The following FMO2 variants were observed in gnomAD, a reference collection of about 807,000 sequenced individuals.
FMO2 encodes the protein flavin containing dimethylaniline monoxygenase 2, also known as flavin-containing monooxygenase 2.
A neutral mutation model predicts 41.6 loss-of-function variants in FMO2; 33 were observed. The ratio of observed to expected loss-of-function variants is 0.79; its 90% CI spans 0.60 to 1.06. The LOEUF (loss-of-function observed/expected upper bound fraction) is 1.06. Ranked by LOEUF, FMO2 falls within the 50% of genes least tolerant of loss-of-function variation. FMO2 has a pLI of 0.00. For missense variants in FMO2, 619 were observed against 632.9 expected, an observed-to-expected ratio of 0.98 and a Z score of 0.23; for synonymous variants, 214 against 219.6, an observed-to-expected ratio of 0.97 and a Z score of 0.23.
intron 5 of FMO2, among the ~76,000 whole-genome samples, chr1:171,203,212 A>G (rs1418962303): frequency 6.6e-6 from 1 of 151,868 alleles, no homozygotes; most frequent in Non-Finnish European, 1.5e-5. Context: ...ATGTGGTGGT[A>G]CATGTCTGAT....
At chr1:171,201,842 C>CT (rs1658552603) in intron 5 of FMO2, among the ~76,000 whole-genome samples, 1 of 151,558 alleles carries the variant, frequency 6.6e-6, no homozygotes, top group South Asian at 2.1e-4. Flanking sequence ...AGGGGGAACC[C>CT]TTATAAAACC....
At chr1:171,200,752 C>T (rs751297507) in intron 5 of FMO2, among the ~76,000 whole-genome samples, 3 of 152,190 alleles carry the variant, frequency 2.0e-5, no homozygotes, top group Admixed American at 6.5e-5. Flanking sequence ...CCTCTTGTCA[C>T]TTATCACCTC....
intron 5 of FMO2, among the ~76,000 whole-genome samples, chr1:171,201,414 C>G (rs996830195): frequency 2.0e-5 from 3 of 152,138 alleles, no homozygotes; most frequent in African/African-American, 7.2e-5. Context: ...TATGATAAAA[C>G]CTCTTACACA....
At chr1:171,197,396 C>T (rs188024449) in intron 4 of FMO2, among the ~76,000 whole-genome samples, 1 of 152,110 alleles carries the variant, frequency 6.6e-6, no homozygotes, top group Non-Finnish European at 1.5e-5. Context: ...GGCCTGGAGA[C>T]CTACCCCCAA....
At position 171,210,398 on chromosome 1, in the gene FMO2, T is replaced by C. The variant is rs1035417157; in HGVS notation, c.*1253T>C. On this transcript the variant is annotated 3_prime_UTR_variant, in exon 9 of 9. Transcript: ENST00000209929. ...CTAAGGCAAAAAGCTAAATAAACAA[T>C]ATGTAACCTCTAACATTTGGTAAAA... 3 of 152,214 alleles carry C rather than the reference T, an allele frequency of 2.0e-5. No homozygotes were observed. The highest frequency in any genetic ancestry group is 2.9e-5 in the Non-Finnish European group (2 of 68,028). The allele number at this position is 152,214 out of a possible 1,614,324, so 9.4% of individuals were successfully genotyped here. A position where few individuals can be genotyped will look rare whatever the true frequency, so the allele number is the denominator to read the frequency against.
intron 7 of FMO2, 111 bp from the exon 8 acceptor site, chr1:171,207,607 G>T: frequency 1.3e-6 from 1 of 776,638 alleles, no homozygotes; most frequent in South Asian, 1.7e-5. Flanking sequence ...CGGAAGCCCT[G>T]ACTGGTATGA....
Position 171,193,479 on chromosome 1 carries a change from A to T in FMO2, c.277A>T (p.Ile93Phe), listed in dbSNP as rs1219350419. ...TTCTAAACTTCTGGAATATTTCAGG[A>T]TTTTTGCTAAAAAATTTGATCTGCT... ...HNSKLLEYFRIFAKKFDLLKY... is the reference protein window; with the variant it reads ...HNSKLLEYFRFFAKKFDLLKY... The change falls in exon 3 of 9, where the codon ATT (isoleucine) becomes TTT (phenylalanine). Residue 93 changes from isoleucine (I) to phenylalanine (F), a missense_variant. Physicochemically the swap from Ile to Phe is conservative, Grantham distance 21 (BLOSUM62 0). Transcript: ENST00000209929. The T allele has an allele frequency of 6.2e-7, 1 of 1,611,884 alleles. No homozygotes were observed. The highest frequency in any genetic ancestry group is 1.3e-5 in the African/African-American group (1 of 74,798).
At chr1:171,208,673 T>A (rs1380803560) in intron 8 of FMO2, 121 bp from the exon 9 acceptor site, 1 of 882,722 alleles carries the variant, frequency 1.1e-6, no homozygotes, top group African/African-American at 1.7e-5. Flanking sequence ...CACCAGAGAT[T>A]CATTGAAAAC....
chr1:171,186,483 G>T (rs1034619435), intron 2 of FMO2: 2 of 152,428 alleles, frequency 1.3e-5, no homozygotes. Context: ...CAATGCTGGG[G>T]AGGACTCAGA....
In FMO2 at chr1:171,185,824, TGGA is replaced by T; in HGVS notation, c.116_118del (p.Gly39del). 2 of 1,613,802 alleles carry T rather than the reference TGGA, an allele frequency of 1.2e-6. No individual in the cohort carries two copies. Among genetic ancestry groups the T allele is most frequent in the Middle Eastern group, 1.7e-4 (1 of 6,050 alleles). On this transcript the variant is annotated inframe_deletion, in exon 2 of 9. Transcript: ENST00000209929. The stretch of plus-strand genomic sequence containing the variant: ...CTTGCTTTGAGAGAACTGAAGATAT[TGGA>T]GGAGTGTGGAGGTTCAAAGTAAGTG...
intron 2 of FMO2, among the ~76,000 whole-genome samples, chr1:171,191,697 CCCT>C (rs745780812): frequency 4.4e-4 from 67 of 151,850 alleles, no homozygotes; most frequent in Middle Eastern, 6.8e-3. Flanking sequence ...GACTCCAGAA[CCCT>C]CCTATTTACT....
chr1:171,185,607 C>A, intron 1 of FMO2, 101 bp from the exon 2 acceptor site: 1 of 1,114,420 alleles, frequency 9.0e-7, no homozygotes. Flanking sequence ...TATTAAATTA[C>A]CACTGCTACA....
chr1:171,190,388 T>G (rs1658031146), intron 2 of FMO2, among the ~76,000 whole-genome samples: 1 of 152,166 alleles, frequency 6.6e-6, no homozygotes, highest in African/African-American at 2.4e-5. Flanking sequence ...TTATAGCAAA[T>G]TCTACACATA....
rs751862127 is a variant in FMO2 at position 171,207,704 on chromosome 1, C to A, written c.1184-14C>A. 4 of 1,573,700 alleles carry A rather than the reference C, an allele frequency of 2.5e-6. No individual in the cohort carries two copies. The South Asian group carries it at 3.4e-5, about 13-fold the overall frequency. On this transcript the variant is annotated splice_polypyrimidine_tract_variant and intron_variant, in intron 7 of 8. Coordinates refer to ENST00000209929, the MANE Select transcript of FMO2 (RefSeq NM_001460.5). The stretch of plus-strand genomic sequence containing the variant: ...ACTCAAACTTACTATTCAAACCAAC[C>A]TTTTATTCCTTAGGCTTGTGTAGCC...
At chr1:171,191,126 C>A (rs7531111) in intron 2 of FMO2, among the ~76,000 whole-genome samples, 29,756 of 149,868 alleles carry the variant, frequency 0.2, 3,357 homozygotes, top group East Asian at 0.43. Context: ...GCCTGGGCAA[C>A]AAGAGCAAAA....
chr1:171,191,497 T>C (rs1447072241), intron 2 of FMO2, among the ~76,000 whole-genome samples: 1 of 152,194 alleles, frequency 6.6e-6, no homozygotes, highest in Admixed American at 6.5e-5. Context: ...TTCTTAAGTA[T>C]GTATTTTGAG....
At chr1:171,203,418 G>A (rs1381910478) in intron 5 of FMO2, among the ~76,000 whole-genome samples, 1 of 151,950 alleles carries the variant, frequency 6.6e-6, no homozygotes, top group Non-Finnish European at 1.5e-5. Flanking sequence ...TCCATCCAGG[G>A]ATATTCAGAT....
intron 7 of FMO2, 48 bp downstream of exon 7, chr1:171,205,682 G>C: frequency 7.8e-7 from 1 of 1,277,478 alleles, no homozygotes; most frequent in Non-Finnish European, 1.1e-6. Context: ...ATCTGGTGAA[G>C]TTTATCAATA....
chr1:171,204,418 C>G (rs1410535907), intron 6 of FMO2, among the ~76,000 whole-genome samples: 1 of 152,160 alleles, frequency 6.6e-6, no homozygotes, highest in African/African-American at 2.4e-5. Context: ...ATAATTTATG[C>G]TTTGCTAACC....
Sources: allele counts gnomAD v4.1 joint callset (sites outside exome capture counted in the v4.1 genomes callset), GRCh38; gene constraint gnomAD v4.1.1; transcripts MANE v1.5; gene names NCBI Gene and HGNC (gene_info 2026-07-23, HGNC 2026-07-21).